IGFL2: variants seen among roughly 807,000 people sequenced by gnomAD.
The protein encoded by IGFL2 is insulin growth factor-like family member 2.
In IGFL2, 7 loss-of-function variants were observed where a neutral mutation model predicts 13.9. The ratio of observed to expected loss-of-function variants is 0.51; its 90% CI spans 0.29 to 0.95. The LOEUF is 0.95. Among genes scored for constraint, IGFL2 ranks in the 40% least tolerant of loss-of-function variants. The pLI is 0.08. For missense variants in IGFL2, 138 were observed against 147.8 expected (o/e 0.93, Z 0.34); for synonymous variants, 55 against 55.8 (o/e 0.99, Z 0.07).
the IGFL2 span, among the ~76,000 whole-genome samples, chr19:46,198,605 C>T: frequency 0.1 from 15,537 of 152,104 alleles, 1,002 homozygotes; most frequent in Non-Finnish European, 0.14. Flanking sequence ...CCTCAACATT[C>T]GTGCTGGAAT....
At chr19:46,172,259 C>G in the IGFL2 span, among the ~76,000 whole-genome samples, 4 of 152,204 alleles carry the variant, frequency 2.6e-5, no homozygotes, top group South Asian at 8.3e-4. Flanking sequence ...ACTACACAAT[C>G]GGCAGAAGAG....
At position 46,148,314 on chromosome 19, in the gene IGFL2, C is replaced by T; in HGVS notation, c.19+17C>T. 6.5e-7 allele frequency: 1 copy of T among 1,550,288 alleles called. No homozygotes were observed. Among genetic ancestry groups the T allele is most frequent in the Non-Finnish European group, 8.7e-7 (1 of 1,145,716 alleles). On this transcript the variant is annotated intron_variant, in intron 1 of 3. Transcript: ENST00000377693. ...GAATCTTCGGTAAGGTAACCCTTGC[C>T]CCAGGTTGAGCTAATGCCTACTGTT...
the IGFL2 span, among the ~76,000 whole-genome samples, chr19:46,099,673 G>A: frequency 6.6e-6 from 1 of 151,738 alleles, no homozygotes; most frequent in Non-Finnish European, 1.5e-5. Flanking sequence ...TATTACAGGC[G>A]CCTGCCACTG....
At chr19:46,169,433 C>T in the IGFL2 span, among the ~76,000 whole-genome samples, 5 of 151,926 alleles carry the variant, frequency 3.3e-5, no homozygotes, top group Middle Eastern at 3.4e-3. Context: ...AAAAATAATG[C>T]CACTCAAAAG....
chr19:46,186,389 G>A, the IGFL2 span, among the ~76,000 whole-genome samples: 7 of 152,274 alleles, frequency 4.6e-5, no homozygotes, highest in South Asian at 2.1e-4. Context: ...ACCCAGCTGC[G>A]GTGTCCACAG....
At chr19:46,091,821 C>T in the IGFL2 span, among the ~76,000 whole-genome samples, 5 of 152,150 alleles carry the variant, frequency 3.3e-5, no homozygotes, top group African/African-American at 7.2e-5. Flanking sequence ...TCAACAGTTT[C>T]AATGACAAAT....
the IGFL2 span, among the ~76,000 whole-genome samples, chr19:46,182,826 C>G: frequency 6.6e-6 from 1 of 152,132 alleles, no homozygotes; most frequent in African/African-American, 2.4e-5. Context: ...CCCTACACTC[C>G]TGCCCTCTGT....
upstream of IGFL2, among the ~76,000 whole-genome samples, chr19:46,147,107 A>G (rs1461449764): frequency 1.3e-5 from 2 of 152,158 alleles, no homozygotes; most frequent in South Asian, 2.1e-4. Flanking sequence ...CCAGATGTCT[A>G]TTTTATCACT....
At chr19:46,205,765 C>A in the IGFL2 span, among the ~76,000 whole-genome samples, 2 of 152,170 alleles carry the variant, frequency 1.3e-5, no homozygotes, top group Non-Finnish European at 2.9e-5. Flanking sequence ...AGTGTCAGCA[C>A]TCCCCAAGAA....
the IGFL2 span, among the ~76,000 whole-genome samples, chr19:46,110,354 G>T: frequency 6.6e-5 from 10 of 152,184 alleles, no homozygotes; most frequent in Non-Finnish European, 1.0e-4. Context: ...GGTCTCTCTG[G>T]TCCTCCTGAT....
the IGFL2 span, among the ~76,000 whole-genome samples, chr19:46,192,677 C>G: frequency 6.6e-6 from 1 of 151,978 alleles, no homozygotes; most frequent in Non-Finnish European, 1.5e-5. Flanking sequence ...CCTCGGCCTC[C>G]CAAAGTTCTG....
the IGFL2 span, among the ~76,000 whole-genome samples, chr19:46,133,749 G>A: frequency 2.0e-5 from 3 of 152,190 alleles, no homozygotes; most frequent in Non-Finnish European, 4.4e-5. Flanking sequence ...AGACTGGGAG[G>A]AAAGTCCCTC....
chr19:46,079,963 T>G, the IGFL2 span, among the ~76,000 whole-genome samples: 1 of 152,078 alleles, frequency 6.6e-6, no homozygotes, highest in Non-Finnish European at 1.5e-5. Flanking sequence ...AGAAACTAAG[T>G]CAGCAAATGG....
the IGFL2 span, among the ~76,000 whole-genome samples, chr19:46,095,287 G>C: frequency 2.6e-5 from 4 of 152,142 alleles, no homozygotes; most frequent in Non-Finnish European, 5.9e-5. Flanking sequence ...CAGTGATGTT[G>C]AGCTTTTTTC....
At chr19:46,097,011 C>T in the IGFL2 span, among the ~76,000 whole-genome samples, 1 of 152,178 alleles carries the variant, frequency 6.6e-6, no homozygotes, top group Non-Finnish European at 1.5e-5. Context: ...ATTTTGGTAT[C>T]AGGATGATGC....
the IGFL2 span, among the ~76,000 whole-genome samples, chr19:46,089,641 C>A: frequency 2.7e-5 from 4 of 150,314 alleles, no homozygotes; most frequent in Admixed American, 2.0e-4. Flanking sequence ...GTATAGTATT[C>A]TTGGTGGTAG....
the IGFL2 span, among the ~76,000 whole-genome samples, chr19:46,080,867 G>A: frequency 2.7e-4 from 41 of 152,374 alleles, no homozygotes; most frequent in African/African-American, 8.7e-4. Flanking sequence ...TGGTGAGTGG[G>A]AGCAGTGCCT....
chr19:46,171,994 TGAA>T, the IGFL2 span, among the ~76,000 whole-genome samples: 1 of 152,204 alleles, frequency 6.6e-6, no homozygotes, highest in African/African-American at 2.4e-5. Context: ...TTATGTGTGA[TGAA>T]GATTAATGAT....
chr19:46,136,859 AGTGTTGAAAAGACTACTCT>A, the IGFL2 span: 1 of 730,752 alleles, frequency 1.4e-6, no homozygotes, highest in Admixed American at 1.7e-5. Flanking sequence ...TAGGGGGAGG[AGTGTTGAAAAGACTACTCT>A]GTGTATTGGT....
Sources: gnomAD v4.1 joint callset for allele counts (sites outside exome capture counted in the v4.1 genomes callset) on GRCh38, gnomAD v4.1.1 for gene constraint, MANE v1.5 for transcripts, NCBI Gene and HGNC (gene_info 2026-07-23, HGNC 2026-07-21) for gene names.